The following LSM8 variants were observed in gnomAD, a reference collection of about 807,000 sequenced individuals.
LSM8 encodes the protein LSM8 U6 small nuclear RNA associated.
A neutral mutation model predicts 15.0 loss-of-function variants in LSM8; 14 were observed. The observed-to-expected ratio is 0.93, with a 90% CI of 0.62 to 1.46. The LOEUF is 1.46. Among genes scored for constraint, LSM8 ranks in the 40% most tolerant of loss-of-function variants. The probability of loss-of-function intolerance (pLI) is 0.00; values close to 1 mark genes in which losing one functional copy is unlikely to be tolerated. For missense variants in LSM8, 90 were observed against 115.4 expected (o/e 0.78, Z 1.01); for synonymous variants, 50 against 42.1 (o/e 1.19, Z -0.73).
chr7:118,199,289 G>A lies in LSM8; in HGVS notation c.*7287G>A, dbSNP rs747946972. 6.6e-6 allele frequency among the ~76,000 whole-genome samples: 1 copy of A among 152,108 alleles called. No homozygotes were observed. Among genetic ancestry groups the A allele is most frequent in the Non-Finnish European group, 1.5e-5 (1 of 68,022 alleles). On this transcript the variant is annotated 3_prime_UTR_variant, in exon 4 of 4. Coordinates refer to ENST00000249299, the MANE Select transcript of LSM8 (RefSeq NM_016200.5). The stretch of plus-strand genomic sequence containing the variant: ...TCATTGAAAATTAGTGAGAAGGGAA[G>A]AGATGGCCTTCAATACTAGTGCAAA...
intron 2 of LSM8, 87 bp from the exon 3 acceptor site, chr7:118,188,191 T>C (rs1808917546): frequency 6.9e-7 from 1 of 1,453,302 alleles, no homozygotes; most frequent in East Asian, 2.3e-5. Flanking sequence ...TTGGAATACC[T>C]GGCAACTAAA....
At chr7:118,187,051 T>G (rs928152023) in intron 2 of LSM8, among the ~76,000 whole-genome samples, 2 of 152,196 alleles carry the variant, frequency 1.3e-5, no homozygotes, top group African/African-American at 4.8e-5. Context: ...GACACATAAT[T>G]TATTTGATGG....
At position 118,200,279 on chromosome 7, in the gene LSM8, C is replaced by T. The variant is rs1029535784; in HGVS notation, c.*8277C>T. On this transcript the variant is annotated 3_prime_UTR_variant, in exon 4 of 4. Coordinates refer to ENST00000249299, the MANE Select transcript of LSM8 (RefSeq NM_016200.5). ...ATAGTTTCAGAGTCATGAAACAAAT[C>T]ATAAGTAGCTGCTCTGGTGCTCTCT... Among the ~76,000 whole-genome samples, 1 of 152,092 alleles carries T rather than the reference C, an allele frequency of 6.6e-6. No homozygotes were observed. The highest frequency in any genetic ancestry group is 2.4e-5 in the African/African-American group (1 of 41,432).
intron 1 of LSM8, 59 bp from the exon 2 acceptor site, chr7:118,185,595 C>A: frequency 7.0e-7 from 1 of 1,424,160 alleles, no homozygotes; most frequent in Non-Finnish European, 9.9e-7. Flanking sequence ...CATTCCCTTG[C>A]CAGAGTCTGT....
Position 118,202,762 on chromosome 7 carries a change from G to GC in LSM8, c.*10761dup, listed in dbSNP as rs34620730. On this transcript the variant is annotated 3_prime_UTR_variant, in exon 4 of 4. Transcript: ENST00000249299. ...GGGGATGGGGTGAACAACCAACAAT[G>GC]CTGCCATTGTGCTAGTATAGAAGCA... Among the ~76,000 whole-genome samples the GC allele has an allele frequency of 0.73, 110,449 of 151,764 alleles. 40,512 individuals carry two copies. The highest frequency in any genetic ancestry group is 0.85 in the South Asian group (4,078 of 4,820).
At position 118,188,363 on chromosome 7, in the gene LSM8, A is replaced by G; in HGVS notation, c.158A>G (p.Glu53Gly). Residue 53 changes from glutamate (E) to glycine (G), a missense_variant, in exon 3 of 4, where the codon GAA (glutamate) becomes GGA (glycine). By Grantham distance (98) the Glu-to-Gly change is moderately conservative. Transcript: ENST00000249299. ...ERVFSSSQGVEQVVLGLYIVR... is the reference protein window; with the variant it reads ...ERVFSSSQGVGQVVLGLYIVR... Reference sequence around the variant, plus strand: ...GTATTCAGCTCTTCACAGGGGGTAGAACAAGTGGTACTAGGATTATACATT... The same window carrying G: ...GTATTCAGCTCTTCACAGGGGGTAGGACAAGTGGTACTAGGATTATACATT... 1 of 1,613,338 alleles carries G rather than the reference A, an allele frequency of 6.2e-7. No individual in the cohort carries two copies.
intron 1 of LSM8, chr7:118,184,944 T>C (rs1399829554): frequency 1.3e-5 from 2 of 152,262 alleles, no homozygotes; most frequent in South Asian, 2.1e-4. Context: ...ACTGCTTATA[T>C]AGTTTCTTTA....
rs749801725 is a variant in LSM8 at position 118,184,211 on chromosome 7, C to G, written c.-13C>G. On this transcript the variant is annotated 5_prime_UTR_variant, in exon 1 of 4. Coordinates refer to ENST00000249299, the MANE Select transcript of LSM8 (RefSeq NM_016200.5). Reference sequence around the variant, plus strand: ...GCACCGCTGCGTTACCCGGAACCGCCGGGCCGAACAGCATGACGTCCGCTT... The same window carrying G: ...GCACCGCTGCGTTACCCGGAACCGCGGGGCCGAACAGCATGACGTCCGCTT... 3.2e-6 allele frequency: 5 copies of G among 1,541,954 alleles called. No homozygotes were observed. The highest frequency in any genetic ancestry group is 4.4e-6 in the Non-Finnish European group (5 of 1,142,542).
rs1386749705 is a variant in LSM8 at position 118,192,771 on chromosome 7, C to G, written c.*769C>G. The G allele has an allele frequency of 6.6e-6, 1 of 152,074 alleles. No homozygotes were observed. Among genetic ancestry groups the G allele is most frequent in the Admixed American group, 6.5e-5 (1 of 15,276 alleles). 9.4% of individuals were successfully genotyped at this position (152,074 alleles called of 1,614,324 possible). A position where few individuals can be genotyped will look rare whatever the true frequency, so the allele number is the denominator to read the frequency against. On this transcript the variant is annotated 3_prime_UTR_variant, in exon 4 of 4. Coordinates refer to ENST00000249299, the MANE Select transcript of LSM8 (RefSeq NM_016200.5). ...TTAATTTTTAAGAATTGGAGAATTT[C>G]TAATGTTAAAGTTAGTTTATAAATG...
At chr7:118,189,837 G>A (rs1014949847) in intron 3 of LSM8, 1 of 151,894 alleles carries the variant, frequency 6.6e-6, no homozygotes, top group Non-Finnish European at 1.5e-5. Flanking sequence ...CTCCAGCCTG[G>A]GCAAAAAGAG....
In LSM8 at chr7:118,184,489, A is replaced by T. The variant is rs913744713; in HGVS notation, c.31+235A>T. 6 of 432,380 alleles carry T rather than the reference A, an allele frequency of 1.4e-5. No individual in the cohort carries two copies. The Admixed American group carries it at 2.6e-4, about 18-fold the overall frequency. 26.8% of individuals were successfully genotyped at this position (432,380 alleles called of 1,614,324 possible). On this transcript the variant is annotated intron_variant, in intron 1 of 3. Coordinates refer to ENST00000249299, the MANE Select transcript of LSM8 (RefSeq NM_016200.5). The stretch of plus-strand genomic sequence containing the variant: ...ACCCAAATAAAAACCCAGTGTGATT[A>T]TTCCGAACTTTTCTGTCTTAAAAAA...
rs1809030220 is a variant in LSM8 at position 118,193,835 on chromosome 7, T to G, written c.*1833T>G. 6.6e-6 allele frequency among the ~76,000 whole-genome samples: 1 copy of G among 152,132 alleles called. No homozygotes were observed. The highest frequency in any genetic ancestry group is 2.1e-4 in the South Asian group (1 of 4,826). ...CAAAATACTTGGCATATCAACACAT[T>G]ACACATAAACAAATAAAAACCAGTC... On this transcript the variant is annotated 3_prime_UTR_variant, in exon 4 of 4. Transcript: ENST00000249299.
At position 118,198,285 on chromosome 7, in the gene LSM8, A is replaced by G. The variant is rs2115938942; in HGVS notation, c.*6283A>G. Among the ~76,000 whole-genome samples the G allele has an allele frequency of 6.6e-6, 1 of 152,324 alleles. No homozygotes were observed. The highest frequency in any genetic ancestry group is 2.4e-5 in the African/African-American group (1 of 41,592). ...GAAAAGATAAATGAGAAATGAGAAT[A>G]TGCCAGAGATCTGAAATGAAGAATG... On this transcript the variant is annotated 3_prime_UTR_variant, in exon 4 of 4. Transcript: ENST00000249299.
Position 118,185,632 on chromosome 7 carries a change from CTT to C in LSM8, c.32-20_32-19del, listed in dbSNP as rs1317643390. ...TTCAATTTGCATTCCCTAAGAAACA[CTT>C]TCTTTGATTCAGTTATCAGGAACTG... On this transcript the variant is annotated intron_variant, in intron 1 of 3. Coordinates refer to ENST00000249299, the MANE Select transcript of LSM8 (RefSeq NM_016200.5). 6.3e-7 allele frequency: 1 copy of C among 1,596,198 alleles called. No individual in the cohort carries two copies. Among genetic ancestry groups the C allele is most frequent in the South Asian group, 1.1e-5 (1 of 89,884 alleles).
In LSM8 at chr7:118,204,028, A is replaced by G. The variant is rs1302552940; in HGVS notation, c.*12026A>G. Among the ~76,000 whole-genome samples the G allele has an allele frequency of 6.6e-6, 1 of 151,840 alleles. No individual in the cohort carries two copies. ...TACACCTAAAAATAAATTATTTTAC[A>G]GAGGCTACTAAGAATGTCCATGTTT... On this transcript the variant is annotated 3_prime_UTR_variant, in exon 4 of 4. Coordinates refer to ENST00000249299, the MANE Select transcript of LSM8 (RefSeq NM_016200.5).
At chr7:118,185,757 G>A in intron 2 of LSM8, 63 bp downstream of exon 2, 2 of 1,461,324 alleles carry the variant, frequency 1.4e-6, no homozygotes, top group Non-Finnish European at 1.9e-6. Flanking sequence ...AGTTTTATGT[G>A]AAACCTCTAA....
Position 118,202,334 on chromosome 7 carries a change from A to C in LSM8, c.*10332A>C, listed in dbSNP as rs140459640. 3.5e-4 allele frequency among the ~76,000 whole-genome samples: 53 copies of C among 152,096 alleles called. No homozygotes were observed. The highest frequency in any genetic ancestry group is 1.2e-3 in the African/African-American group (50 of 41,534). On this transcript the variant is annotated 3_prime_UTR_variant, in exon 4 of 4. Transcript: ENST00000249299. Reference sequence around the variant, plus strand: ...TTTAACAGGCAGGAGGAGTTCATTTATCTCGAGAGAAAAGAACAGAAAAGT... The same window carrying C: ...TTTAACAGGCAGGAGGAGTTCATTTCTCTCGAGAGAAAAGAACAGAAAAGT...
In LSM8 at chr7:118,193,977, GT is replaced by G. The variant is rs1405559709; in HGVS notation, c.*1980del. 1.3e-5 allele frequency among the ~76,000 whole-genome samples: 2 copies of G among 152,016 alleles called. No homozygotes were observed. The highest frequency in any genetic ancestry group is 1.3e-4 in the Admixed American group (2 of 15,258). ...AAGCATTCCCAAAATGTGAATTATTGTTTTTATGAATAGTTACAGAGGATGT... is the reference window on the plus strand; with the variant it reads ...AAGCATTCCCAAAATGTGAATTATTGTTTTATGAATAGTTACAGAGGATGT... On this transcript the variant is annotated 3_prime_UTR_variant, in exon 4 of 4. Coordinates refer to ENST00000249299, the MANE Select transcript of LSM8 (RefSeq NM_016200.5).
In LSM8 at chr7:118,197,142, C is replaced by T. The variant is rs1809093584; in HGVS notation, c.*5140C>T. ...TACAAGGATATGATACGCTTTCTCT[C>T]TTCTCTTTAGGGTAATGTTCAATTA... On this transcript the variant is annotated 3_prime_UTR_variant, in exon 4 of 4. Transcript: ENST00000249299. Among the ~76,000 whole-genome samples, 1 of 151,550 alleles carries T rather than the reference C, an allele frequency of 6.6e-6. No homozygotes were observed. Among genetic ancestry groups the T allele is most frequent in the Non-Finnish European group, 1.5e-5 (1 of 67,894 alleles).
Sources: gnomAD v4.1 joint callset for allele counts (sites outside exome capture counted in the v4.1 genomes callset) on GRCh38, gnomAD v4.1.1 for gene constraint, MANE v1.5 for transcripts, NCBI Gene and HGNC (gene_info 2026-07-23, HGNC 2026-07-21) for gene names.